Variants in ICA1L observed in about 807,000 individuals in gnomAD.
ICA1L encodes the protein islet cell autoantigen 1 like, also known as islet cell autoantigen 1-like protein.
A neutral mutation model predicts 61.3 loss-of-function variants in ICA1L; 50 were observed. That is an observed-to-expected ratio of 0.82 (90% CI 0.65 to 1.03). The LOEUF is 1.03. Ranked by LOEUF, ICA1L falls within the 50% of genes least tolerant of loss-of-function variation. The probability of loss-of-function intolerance (pLI) is 0.00; values close to 1 mark genes in which losing one functional copy is unlikely to be tolerated. For missense variants in ICA1L, 508 were observed against 556.7 expected, an observed-to-expected ratio of 0.91 and a Z score of 0.88; for synonymous variants, 161 against 191.3, an observed-to-expected ratio of 0.84 and a Z score of 1.31.
In ICA1L at chr2:202,774,124, C is replaced by T. The variant is rs1692138862; in HGVS notation, c.*5409G>A. On this transcript the variant is annotated 3_prime_UTR_variant, in exon 13 of 13. Transcript: ENST00000358299. ...CAATGATTGGATAAGCTATTCTCAA[C>T]TCTTCATTAATCAATTCATTTGTTG... 5.2e-6 allele frequency: 7 copies of T among 1,346,378 alleles called. No individual in the cohort carries two copies. The highest frequency in any genetic ancestry group is 1.5e-5 in the African/African-American group (1 of 68,772). 83.4% of individuals were successfully genotyped at this position (1,346,378 alleles called of 1,614,324 possible). A position where few individuals can be genotyped will look rare whatever the true frequency, so the allele number is the denominator to read the frequency against.
chr2:202,848,589 T>C (rs187561134), intron 1 of ICA1L, among the ~76,000 whole-genome samples: 3 of 152,292 alleles, frequency 2.0e-5, no homozygotes, highest in Admixed American at 2.0e-4. Flanking sequence ...AAAAAATTAT[T>C]TACTATTTGG....
chr2:202,829,288 T>G (rs1435845282), intron 1 of ICA1L: 2 of 196,824 alleles, frequency 1.0e-5, no homozygotes, highest in Non-Finnish European at 2.0e-5. Context: ...AGGCGGAGCT[T>G]GCGGTGAGCC....
chr2:202,841,724 C>A (rs1054194964), intron 1 of ICA1L: 1 of 506,166 alleles, frequency 2.0e-6, no homozygotes, highest in African/African-American at 1.9e-5. Context: ...GGCCTGGGGG[C>A]CAGAGGACCA....
chr2:202,793,080 TC>T (rs1454422183), intron 10 of ICA1L, among the ~76,000 whole-genome samples: 1 of 152,134 alleles, frequency 6.6e-6, no homozygotes, highest in African/African-American at 2.4e-5. Context: ...GGTTGCATAA[TC>T]TAAATTTTCT....
chr2:202,827,542 G>T (rs1015798671), intron 2 of ICA1L, among the ~76,000 whole-genome samples: 3 of 152,000 alleles, frequency 2.0e-5, no homozygotes, highest in Admixed American at 2.0e-4. Flanking sequence ...ACAAATGTGG[G>T]AGAAAGTTCT....
At chr2:202,826,553 C>T (rs918917430) in intron 2 of ICA1L, among the ~76,000 whole-genome samples, 3 of 152,166 alleles carry the variant, frequency 2.0e-5, no homozygotes, top group African/African-American at 7.2e-5. Flanking sequence ...CTCACTGCAA[C>T]TTCTACCGCC....
chr2:202,825,599 T>G, intron 3 of ICA1L, 96 bp downstream of exon 3: 3 of 1,302,274 alleles, frequency 2.3e-6, no homozygotes, highest in Non-Finnish European at 3.0e-6. Context: ...TAAGAAGCTA[T>G]TCACAAAATT....
At position 202,788,864 on chromosome 2, in the gene ICA1L, A is replaced by T. The variant is rs142998309; in HGVS notation, c.1209T>A (p.Phe403Leu). ...HSSRFLPSQL[F>L]DLGFHVAGAF... is the part of the protein sequence containing the mutation. Reference sequence around the variant, plus strand: ...CTCCAGCCACATGAAAGCCAAGGTCAAAGAGTTGTGAAGGAAGGAATCGAG... The same window carrying T: ...CTCCAGCCACATGAAAGCCAAGGTCTAAGAGTTGTGAAGGAAGGAATCGAG... Residue 403 changes from phenylalanine to leucine, a missense_variant, in exon 11 of 13, where the codon TTT becomes TTA. By Grantham distance (22) the Phe-to-Leu change is conservative (BLOSUM62 0). Coordinates refer to ENST00000358299, the MANE Select transcript of ICA1L (RefSeq NM_001288622.3). 5.2e-3 allele frequency: 8,449 copies of T among 1,614,070 alleles called. 70 individuals are homozygous for T. Among genetic ancestry groups the T allele is most frequent in the South Asian group, 6.7e-3 (613 of 91,076 alleles).
chr2:202,780,432 C>T (rs958720815), intron 12 of ICA1L, among the ~76,000 whole-genome samples: 4 of 152,192 alleles, frequency 2.6e-5, no homozygotes, highest in Non-Finnish European at 5.9e-5. Context: ...CAAGATTCTA[C>T]AAGTTGCACT....
At chr2:202,790,266 G>A (rs969084344) in intron 10 of ICA1L, among the ~76,000 whole-genome samples, 2 of 152,082 alleles carry the variant, frequency 1.3e-5, no homozygotes, top group Non-Finnish European at 2.9e-5. Context: ...AAAATGAAAG[G>A]GAGAGGCATC....
chr2:202,778,180 A>G lies in ICA1L; in HGVS notation c.*1353T>C, dbSNP rs1692284644. On this transcript the variant is annotated 3_prime_UTR_variant, in exon 13 of 13. Coordinates refer to ENST00000358299, the MANE Select transcript of ICA1L (RefSeq NM_001288622.3). ...CAAGCGTGAGCCACCGCACCCAGCC[A>G]GTCAAAATGTCTTCTTATGGAAATG... 1 of 152,182 alleles carries G rather than the reference A, an allele frequency of 6.6e-6. No homozygotes were observed. The highest frequency in any genetic ancestry group is 1.5e-5 in the Non-Finnish European group (1 of 68,032). The allele number at this position is 152,182 out of a possible 1,614,324, so 9.4% of individuals were successfully genotyped here.
intron 9 of ICA1L, among the ~76,000 whole-genome samples, chr2:202,802,170 T>G (rs969035679): frequency 6.6e-6 from 1 of 152,178 alleles, no homozygotes; most frequent in African/African-American, 2.4e-5. Context: ...GTATAGTTGT[T>G]GGGGAAAGAA....
At chr2:202,823,781 T>C (rs1316241033) in intron 3 of ICA1L, among the ~76,000 whole-genome samples, 2 of 152,252 alleles carry the variant, frequency 1.3e-5, no homozygotes, top group African/African-American at 4.8e-5. Flanking sequence ...TCTTCATTCC[T>C]AGGAATTCAG....
At chr2:202,795,312 T>C (rs748681256) in intron 10 of ICA1L, among the ~76,000 whole-genome samples, 3 of 152,110 alleles carry the variant, frequency 2.0e-5, no homozygotes, top group Non-Finnish European at 2.9e-5. Flanking sequence ...AGAAAGTTTC[T>C]ATAATTAAAA....
chr2:202,802,773 A>G (rs926205134), intron 9 of ICA1L, among the ~76,000 whole-genome samples: 1 of 152,174 alleles, frequency 6.6e-6, no homozygotes, highest in Non-Finnish European at 1.5e-5. Context: ...TTTTTAATAA[A>G]ACAAGAATGA....
intron 1 of ICA1L, among the ~76,000 whole-genome samples, chr2:202,837,428 C>T (rs1031810177): frequency 1.3e-5 from 2 of 151,802 alleles, no homozygotes; most frequent in Non-Finnish European, 2.9e-5. Flanking sequence ...GGATTACAGG[C>T]GCCTGCCACC....
chr2:202,784,428 C>A (rs1346956004), intron 12 of ICA1L, among the ~76,000 whole-genome samples: 1 of 151,700 alleles, frequency 6.6e-6, no homozygotes, highest in East Asian at 1.9e-4. Flanking sequence ...CTGGGCGACT[C>A]TGTCTCCAAA....
intron 1 of ICA1L, among the ~76,000 whole-genome samples, chr2:202,839,476 G>T (rs1009653409): frequency 4.2e-5 from 6 of 143,338 alleles, no homozygotes; most frequent in Non-Finnish European, 6.0e-5. Flanking sequence ...TCCAGCCTGG[G>T]CAACAGAGTG....
intron 1 of ICA1L, chr2:202,870,822 C>G (rs1687681806): frequency 6.6e-6 from 1 of 152,238 alleles, no homozygotes; most frequent in Non-Finnish European, 1.5e-5. Context: ...TGATTCCACC[C>G]CCTCTACTGG....
Sources: gnomAD v4.1 joint callset for allele counts (sites outside exome capture counted in the v4.1 genomes callset) on GRCh38, gnomAD v4.1.1 for gene constraint, MANE v1.5 for transcripts, NCBI Gene and HGNC (gene_info 2026-07-23, HGNC 2026-07-21) for gene names.